Variants in LRPAP1 observed in about 807,000 individuals in gnomAD.
LRPAP1 encodes LDL receptor related protein associated protein 1, also known as alpha-2-macroglobulin receptor-associated protein.
Under a neutral mutation model 39.9 loss-of-function variants are expected in LRPAP1, and 41 were observed. The ratio of observed to expected loss-of-function variants is 1.03; its 90% CI spans 0.80 to 1.33. The LOEUF (loss-of-function observed/expected upper bound fraction) is 1.33. Among genes scored for constraint, LRPAP1 ranks in the 40% most tolerant of loss-of-function variants. The probability of loss-of-function intolerance (pLI) is 0.00; values close to 1 mark genes in which losing one functional copy is unlikely to be tolerated. For synonymous variants in LRPAP1, 263 were observed against 212.7 expected (o/e 1.24, Z -2.06); for missense variants, 565 against 482.3 (o/e 1.17, Z -1.61).
At chr4:3,525,433 A>C (rs1483079323) in intron 1 of LRPAP1, among the ~76,000 whole-genome samples, 3 of 149,092 alleles carry the variant, frequency 2.0e-5, no homozygotes, top group African/African-American at 7.3e-5. Context: ...TATTGCAAGG[A>C]CACAGACACC....
rs371652192 is a variant in LRPAP1 at position 3,532,422 on chromosome 4, C to T, written c.-10G>A. 2 of 1,553,488 alleles carry T rather than the reference C, an allele frequency of 1.3e-6. No individual in the cohort carries two copies. The highest frequency in any genetic ancestry group is 1.7e-6 in the Non-Finnish European group (2 of 1,152,436). ...CCCTCCGCGGCGCCATCTTCCTCTG[C>T]GACTGGCGCTGCGCGGAGAAAACCT... On this transcript the variant is annotated 5_prime_UTR_variant, in exon 1 of 8. Coordinates refer to ENST00000650182, the MANE Select transcript of LRPAP1 (RefSeq NM_002337.4).
chr4:3,516,913 C>T (rs1242654149), intron 5 of LRPAP1, among the ~76,000 whole-genome samples: 9 of 152,230 alleles, frequency 5.9e-5, no homozygotes, highest in African/African-American at 1.7e-4. Context: ...CAGGCAGACC[C>T]GCAAGAGAAC....
intron 6 of LRPAP1, chr4:3,515,819 T>G (rs1729674956): frequency 2.2e-6 from 1 of 449,766 alleles, no homozygotes; most frequent in Non-Finnish European, 4.0e-6. Flanking sequence ...AGGCTGTGGC[T>G]GGGTCCCGAC....
At chr4:3,517,884 C>T in intron 5 of LRPAP1, 150 bp downstream of exon 5, 2 of 923,080 alleles carry the variant, frequency 2.2e-6, no homozygotes, top group Non-Finnish European at 3.1e-6. Context: ...AGGCCTGTGA[C>T]CACCCGTGGG....
rs1486620434 is a variant in LRPAP1 at position 3,507,401 on chromosome 4, CTTTT to C, written c.*5569_*5572del. 6.6e-6 allele frequency: 1 copy of C among 152,200 alleles called. No homozygotes were observed. The highest frequency in any genetic ancestry group is 1.5e-5 in the Non-Finnish European group (1 of 68,036). The allele number at this position is 152,200 out of a possible 1,614,324, so 9.4% of individuals were successfully genotyped here. A position where few individuals can be genotyped will look rare whatever the true frequency, so the allele number is the denominator to read the frequency against. The stretch of plus-strand genomic sequence containing the variant: ...AAAAGAATCAAATGGATTTAATTGT[CTTTT>C]TGTTACTGATTTCCTCCTCAATTGC... On this transcript the variant is annotated 3_prime_UTR_variant, in exon 8 of 8. Coordinates refer to ENST00000650182, the MANE Select transcript of LRPAP1 (RefSeq NM_002337.4).
chr4:3,522,984 G>A (rs183134608), intron 2 of LRPAP1, among the ~76,000 whole-genome samples: 18 of 152,280 alleles, frequency 1.2e-4, no homozygotes, highest in African/African-American at 1.9e-4. Flanking sequence ...AGAAGATGGC[G>A]GGGAACTGGC....
In LRPAP1 at chr4:3,516,175, C is replaced by T. The variant is rs1469299925; in HGVS notation, c.775G>A (p.Asp259Asn). 4 of 1,580,044 alleles carry T rather than the reference C, an allele frequency of 2.5e-6. No homozygotes were observed. The highest frequency in any genetic ancestry group is 3.4e-6 in the Non-Finnish European group (4 of 1,163,416). The change falls in exon 6 of 8, where the codon GAC (aspartate) becomes AAC (asparagine). Residue 259 changes from aspartate (D) to asparagine (N), a missense_variant. Physicochemically the swap from Asp to Asn is conservative, Grantham distance 23 (BLOSUM62 1). Coordinates refer to ENST00000650182, the MANE Select transcript of LRPAP1 (RefSeq NM_002337.4). ...EAEFEEPRVI[D>N]LWDLAQSANL... is the part of the protein sequence containing the mutation. Reference sequence around the variant, plus strand: ...GCGGACTGCGCCAGGTCCCACAGGTCAATCACCCTGGGCTCCTCGAACTCT... The same window carrying T: ...GCGGACTGCGCCAGGTCCCACAGGTTAATCACCCTGGGCTCCTCGAACTCT...
intron 3 of LRPAP1, 34 bp from the exon 4 acceptor site, chr4:3,519,025 C>T (rs765400340): frequency 1.9e-5 from 30 of 1,606,138 alleles, no homozygotes; most frequent in South Asian, 3.3e-5. Context: ...GTGAACCCGC[C>T]GCGGGCTCGT....
chr4:3,522,009 G>A (rs1253973330), intron 2 of LRPAP1, among the ~76,000 whole-genome samples: 1 of 152,224 alleles, frequency 6.6e-6, no homozygotes, highest in Non-Finnish European at 1.5e-5. Context: ...TACCGGCTGT[G>A]GGGGATGAGA....
chr4:3,505,553 A>C lies in LRPAP1; in HGVS notation c.*7421T>G, dbSNP rs901475711. Among the ~76,000 whole-genome samples the C allele has an allele frequency of 3.9e-5, 6 of 152,214 alleles. No homozygotes were observed. The highest frequency in any genetic ancestry group is 7.3e-5 in the Non-Finnish European group (5 of 68,030). On this transcript the variant is annotated 3_prime_UTR_variant, in exon 8 of 8. Transcript: ENST00000650182. ...TGCATCCCCAACCACACCTGGCACA[A>C]CACCATGGCTGAGGTGCGCTTCCAG...
chr4:3,514,293 G>T (rs964673405), intron 7 of LRPAP1, among the ~76,000 whole-genome samples: 42 of 152,230 alleles, frequency 2.8e-4, no homozygotes, highest in African/African-American at 9.4e-4. Context: ...GAAAGAACTT[G>T]GCATGAGCTT....
At chr4:3,518,385 G>A (rs1224412284) in intron 4 of LRPAP1, among the ~76,000 whole-genome samples, 193 bp from the exon 5 acceptor site, 4 of 152,232 alleles carry the variant, frequency 2.6e-5, no homozygotes, top group Non-Finnish European at 4.4e-5. Context: ...CGAGACAGGC[G>A]AGACGCCGGG....
intron 1 of LRPAP1, among the ~76,000 whole-genome samples, chr4:3,529,732 T>C (rs944415441): frequency 6.6e-6 from 1 of 152,152 alleles, no homozygotes; most frequent in African/African-American, 2.4e-5. Context: ...AGCATCTTCT[T>C]GGCGGCAACC....
chr4:3,524,804 T>C (rs1560260073), intron 2 of LRPAP1, 103 bp downstream of exon 2: 1 of 1,318,864 alleles, frequency 7.6e-7, no homozygotes, highest in Non-Finnish European at 1.1e-6. Context: ...ATAATGCAAA[T>C]ATTCCCAAAT....
Position 3,514,758 on chromosome 4 carries a change from G to C in LRPAP1, c.1005C>G (p.Gly335=), listed in dbSNP as rs763749159. 5 of 1,608,032 alleles carry C rather than the reference G, an allele frequency of 3.1e-6. No individual in the cohort carries two copies. In the South Asian group the frequency reaches 4.4e-5, roughly 14 times the overall value. Residue 335 remains glycine, a synonymous_variant, in exon 7 of 8, where the codon GGC becomes GGG. Transcript: ENST00000650182. ...TCCTGGAACCCGTGCGCACCGTGTAGCCCAGCTCCTTGGTCCGCCCCTCCA... is the reference window on the plus strand; with the variant it reads ...TCCTGGAACCCGTGCGCACCGTGTACCCCAGCTCCTTGGTCCGCCCCTCCA... ...ALLEGRTKEL[G]YTVKKHLQDL...
At chr4:3,526,906 C>A (rs886288768) in intron 1 of LRPAP1, among the ~76,000 whole-genome samples, 1 of 152,192 alleles carries the variant, frequency 6.6e-6, no homozygotes. Flanking sequence ...CAGGCCCCAC[C>A]CTCCAGGAGT....
At chr4:3,531,933 C>T in intron 1 of LRPAP1, 1 of 531,750 alleles carries the variant, frequency 1.9e-6, no homozygotes. Context: ...GGTCAGCAGG[C>T]CGCCCAGGCT....
rs1321920263 is a variant in LRPAP1, at chr4:3,506,767, C to A, written c.*6207G>T. On this transcript the variant is annotated 3_prime_UTR_variant, in exon 8 of 8. Coordinates refer to ENST00000650182, the MANE Select transcript of LRPAP1 (RefSeq NM_002337.4). Reference sequence around the variant, plus strand: ...TGAGAAAATAGAAAGACCACTAGAACGGAAAAATAAAAAATAAAAATTAGA... The same window carrying A: ...TGAGAAAATAGAAAGACCACTAGAAAGGAAAAATAAAAAATAAAAATTAGA... 1 of 152,022 alleles carries A rather than the reference C, an allele frequency of 6.6e-6. No homozygotes were observed. Among genetic ancestry groups the A allele is most frequent in the Non-Finnish European group, 1.5e-5 (1 of 68,006 alleles). 9.4% of individuals were successfully genotyped at this position (152,022 alleles called of 1,614,324 possible). A position where few individuals can be genotyped will look rare whatever the true frequency, so the allele number is the denominator to read the frequency against.
At chr4:3,529,948 G>C (rs1481035407) in intron 1 of LRPAP1, among the ~76,000 whole-genome samples, 1 of 152,226 alleles carries the variant, frequency 6.6e-6, no homozygotes, top group African/African-American at 2.4e-5. Context: ...GCAGGAGGCT[G>C]AGAGCAGTGG....
Sources: gnomAD v4.1 joint callset for allele counts (sites outside exome capture counted in the v4.1 genomes callset) on GRCh38, gnomAD v4.1.1 for gene constraint, MANE v1.5 for transcripts, NCBI Gene and HGNC (gene_info 2026-07-23, HGNC 2026-07-21) for gene names.